The following ANK3 variants were observed in gnomAD, a reference collection of about 807,000 sequenced individuals.
ANK3 encodes ankyrin-3.
Under a neutral mutation model 370.9 loss-of-function variants are expected in ANK3, and 57 were observed. That is an observed-to-expected ratio of 0.15 (90% CI 0.12 to 0.19). The LOEUF (loss-of-function observed/expected upper bound fraction) is 0.19. Among genes scored for constraint, ANK3 ranks in the 10% least tolerant of loss-of-function variants. The probability of loss-of-function intolerance (pLI) is 1.00; values close to 1 mark genes in which losing one functional copy is unlikely to be tolerated. For missense variants in ANK3, 4,439 were observed against 5,302.1 expected, an observed-to-expected ratio of 0.84 and a Z score of 5.06; for synonymous variants, 1,929 against 1,946.3, an observed-to-expected ratio of 0.99 and a Z score of 0.23.
chr10:60,310,565 A>C (rs1360942616), intron 1 of ANK3, among the ~76,000 whole-genome samples: 1 of 152,244 alleles, frequency 6.6e-6, no homozygotes, highest in Non-Finnish European at 1.5e-5. Context: ...CTAAAAATGC[A>C]TGTATTAACA....
At chr10:60,397,228 T>C (rs2063260954) in intron 2 of ANK3, among the ~76,000 whole-genome samples, 1 of 151,456 alleles carries the variant, frequency 6.6e-6, no homozygotes, top group Non-Finnish European at 1.5e-5. Flanking sequence ...TAAACACTAC[T>C]CCAGATGCTA....
At chr10:60,480,757 A>C (rs1322256731) in intron 2 of ANK3, among the ~76,000 whole-genome samples, 2 of 152,342 alleles carry the variant, frequency 1.3e-5, no homozygotes, top group Non-Finnish European at 2.9e-5. Context: ...GATAAAAATC[A>C]CAACTTGATG....
chr10:60,240,924 G>A (rs2097446336), intron 7 of ANK3, among the ~76,000 whole-genome samples: 1 of 152,112 alleles, frequency 6.6e-6, no homozygotes. Flanking sequence ...ATTTCTTTCA[G>A]TAATGAGATT....
chr10:60,512,823 G>T (rs1379555779), intron 2 of ANK3, among the ~76,000 whole-genome samples: 2 of 152,136 alleles, frequency 1.3e-5, no homozygotes, highest in African/African-American at 4.8e-5. Context: ...ATTAAGAGCT[G>T]CAGGAACGGT....
At chr10:60,511,809 G>T (rs2076088816) in intron 2 of ANK3, among the ~76,000 whole-genome samples, 1 of 150,146 alleles carries the variant, frequency 6.7e-6, no homozygotes. Context: ...TTTTTTTAAG[G>T]AGAGGAGACT....
intron 26 of ANK3, 69 bp from the exon 27 acceptor site, chr10:60,109,123 T>A: frequency 1.6e-6 from 2 of 1,248,698 alleles, no homozygotes; most frequent in South Asian, 2.6e-5. Context: ...GTTTGGAAAT[T>A]AAATGTTTAA....
chr10:60,080,924 C>T (rs367972881), intron 35 of ANK3, among the ~76,000 whole-genome samples: 31 of 152,194 alleles, frequency 2.0e-4, no homozygotes, highest in African/African-American at 7.5e-4. Flanking sequence ...ACATATATCA[C>T]AAAGTACACT....
chr10:60,060,914 C>T (rs946844901), intron 40 of ANK3, among the ~76,000 whole-genome samples: 2 of 152,052 alleles, frequency 1.3e-5, no homozygotes, highest in East Asian at 1.9e-4. Flanking sequence ...GAGGGGGGAA[C>T]GAATCCCTTG....
intron 1 of ANK3, among the ~76,000 whole-genome samples, chr10:60,716,384 G>C (rs2079788799): frequency 6.6e-6 from 1 of 151,676 alleles, no homozygotes; most frequent in African/African-American, 2.4e-5. Flanking sequence ...CTTAAATATA[G>C]GTTAAAAAAA....
intron 26 of ANK3, chr10:60,111,801 T>C (rs1280391538): frequency 4.4e-6 from 2 of 453,916 alleles, no homozygotes; most frequent in African/African-American, 4.0e-5. Flanking sequence ...TGGGAAGAAT[T>C]AATGTAATAT....
intron 2 of ANK3, among the ~76,000 whole-genome samples, chr10:60,596,162 A>G (rs957739902): frequency 1.3e-5 from 2 of 152,302 alleles, no homozygotes; most frequent in Non-Finnish European, 1.5e-5. Flanking sequence ...AAATAAGAAT[A>G]TAACACTTCT....
intron 2 of ANK3, among the ~76,000 whole-genome samples, chr10:60,506,223 T>C (rs1312909414): frequency 6.6e-6 from 1 of 152,240 alleles, no homozygotes; most frequent in South Asian, 2.1e-4. Flanking sequence ...TGTTCTTCTA[T>C]AACAGCTATT....
At chr10:60,424,746 A>C (rs2063845611) in intron 2 of ANK3, among the ~76,000 whole-genome samples, 1 of 152,052 alleles carries the variant, frequency 6.6e-6, no homozygotes, top group African/African-American at 2.4e-5. Context: ...CACATGAAAA[A>C]TCTAGATGAT....
chr10:60,405,160 C>T (rs1316765459), intron 2 of ANK3, among the ~76,000 whole-genome samples: 1 of 152,128 alleles, frequency 6.6e-6, no homozygotes, highest in African/African-American at 2.4e-5. Flanking sequence ...TATAACCTAG[C>T]AATTCCACAT....
chr10:60,468,995 G>GTATATATA lies in ANK3; in HGVS notation c.96+146190_96+146191insTATATATA, dbSNP rs1464396090. On this transcript the variant is annotated intron_variant, in intron 2 of 43. Transcript: ENST00000373827. The stretch of plus-strand genomic sequence containing the variant: ...CCACTATATATATACCACTTTTAGT[G>GTATATATA]TGTATATATATATATATATATATAC... Among the ~76,000 whole-genome samples, 108 of 34,560 alleles carry GTATATATA rather than the reference G, an allele frequency of 3.1e-3. 15 individuals carry two copies. The highest frequency in any genetic ancestry group is 8.5e-3 in the African/African-American group (78 of 9,160). 22.7% of individuals were successfully genotyped at this position (34,560 alleles called of 152,430 possible). A position where few individuals can be genotyped will look rare whatever the true frequency, so the allele number is the denominator to read the frequency against.
At chr10:60,725,317 C>A (rs1564625583) in intron 1 of ANK3, among the ~76,000 whole-genome samples, 1 of 151,854 alleles carries the variant, frequency 6.6e-6, no homozygotes, top group East Asian at 1.9e-4. Flanking sequence ...CAGTTACCTC[C>A]CATTCCCCTC....
At chr10:60,320,314 C>T (rs909692428) in intron 1 of ANK3, among the ~76,000 whole-genome samples, 3 of 152,180 alleles carry the variant, frequency 2.0e-5, no homozygotes, top group Non-Finnish European at 4.4e-5. Flanking sequence ...GCACCATGGG[C>T]CTGGTATGGT....
Position 60,189,719 on chromosome 10 carries a change from T to C in ANK3, c.1888-2807A>G, listed in dbSNP as rs16914594. Among the ~76,000 whole-genome samples, 1,393 of 152,338 alleles carry C rather than the reference T, an allele frequency of 9.1e-3. 23 individuals are homozygous for C. The highest frequency in any genetic ancestry group is 0.043 in the South Asian group (209 of 4,828). ...AAAGAAAAATTCAACAGGGAGTGAT[T>C]CAACTGTAGAATAATTCTGACCTAC... On this transcript the variant is annotated intron_variant, in intron 16 of 43. Transcript: ENST00000280772.
chr10:60,665,278 T>G (rs892141529), intron 1 of ANK3, among the ~76,000 whole-genome samples: 9 of 152,228 alleles, frequency 5.9e-5, no homozygotes, highest in Non-Finnish European at 1.2e-4. Flanking sequence ...CTTATTTTGT[T>G]TGAACTGCCA....
Sources: allele counts gnomAD v4.1 joint callset (sites outside exome capture counted in the v4.1 genomes callset), GRCh38; gene constraint gnomAD v4.1.1; transcripts MANE v1.5; gene names NCBI Gene and HGNC (gene_info 2026-07-23, HGNC 2026-07-21).